SUCLA2: variants seen among roughly 807,000 people sequenced by gnomAD.
The protein encoded by SUCLA2 is succinate-CoA ligase ADP-forming subunit beta.
SUCLA2 carries 30 observed loss-of-function variants against 54.8 expected under a neutral mutation model. That is an observed-to-expected ratio of 0.55 (90% CI 0.41 to 0.74). The LOEUF (loss-of-function observed/expected upper bound fraction) is 0.74, where lower values mean the gene tolerates loss of function less well. Among genes scored for constraint, SUCLA2 ranks in the 30% least tolerant of loss-of-function variants. The pLI is 0.00. For missense variants in SUCLA2, 476 were observed against 562.9 expected (o/e 0.85, Z 1.56); for synonymous variants, 172 against 188.9 (o/e 0.91, Z 0.74).
chr13:47,965,999 G>T (rs1033020769), intron 6 of SUCLA2, among the ~76,000 whole-genome samples: 2 of 152,300 alleles, frequency 1.3e-5, no homozygotes, highest in Admixed American at 1.3e-4. Context: ...AGTCAGCCGA[G>T]ATTGCACCAC....
At chr13:47,961,167 T>C (rs114803689) in intron 6 of SUCLA2, among the ~76,000 whole-genome samples, 15,841 of 152,224 alleles carry the variant, frequency 0.1, 914 homozygotes, top group South Asian at 0.18. Context: ...TTTTATTAAC[T>C]TTAATAATAT....
chr13:47,963,809 T>C (rs1218026537), intron 6 of SUCLA2, among the ~76,000 whole-genome samples: 2 of 152,200 alleles, frequency 1.3e-5, no homozygotes, highest in Non-Finnish European at 2.9e-5. Context: ...AAGTAGTATG[T>C]CTATCTTGGT....
chr13:47,965,654 G>A (rs949712122), intron 6 of SUCLA2: 4 of 398,230 alleles, frequency 1.0e-5, no homozygotes, highest in African/African-American at 8.2e-5. Flanking sequence ...GGGAAAAATA[G>A]TATAAAGGAC....
intron 8 of SUCLA2, 55 bp downstream of exon 8, chr13:47,954,085 A>G: frequency 7.8e-7 from 1 of 1,280,882 alleles, no homozygotes; most frequent in Non-Finnish European, 1.0e-6. Flanking sequence ...CATTTTTATA[A>G]GTATTTATTT....
At position 47,943,336 on chromosome 13, in the gene SUCLA2, A is replaced by C. The variant is rs886050261; in HGVS notation, c.*35T>G. 1.3e-6 allele frequency: 2 copies of C among 1,591,922 alleles called. No individual in the cohort carries two copies. The highest frequency in any genetic ancestry group is 8.6e-7 in the Non-Finnish European group (1 of 1,160,180). On this transcript the variant is annotated 3_prime_UTR_variant, in exon 11 of 11. Coordinates refer to ENST00000646932, the MANE Select transcript of SUCLA2 (RefSeq NM_003850.3). ...ACAGTATTCTTAATGATTATAGCACATTTAACACCTTCAGCCATCCACTGG... is the reference window on the plus strand; with the variant it reads ...ACAGTATTCTTAATGATTATAGCACCTTTAACACCTTCAGCCATCCACTGG...
intron 5 of SUCLA2, among the ~76,000 whole-genome samples, chr13:47,970,643 TG>T (rs1949955610): frequency 6.6e-6 from 1 of 151,776 alleles, no homozygotes; most frequent in Non-Finnish European, 1.5e-5. Context: ...GGGCAGATCA[TG>T]AAGTTAGGAG....
intron 2 of SUCLA2, chr13:47,994,868 C>T: frequency 1.0e-6 from 1 of 985,226 alleles, no homozygotes; most frequent in East Asian, 1.1e-4. Context: ...TACAGTTTAT[C>T]CTGCACATAT....
intron 4 of SUCLA2, chr13:47,987,635 ATCAT>A (rs1354593673): frequency 2.0e-5 from 3 of 152,108 alleles, no homozygotes; most frequent in African/African-American, 4.8e-5. Context: ...CAAAAGACAT[ATCAT>A]TCAAACATTA....
Position 47,988,126 on chromosome 13 carries a change from C to A in SUCLA2, c.534+415G>T, listed in dbSNP as rs867246457. 808 of 165,974 alleles carry A rather than the reference C, an allele frequency of 4.9e-3. 4 individuals are homozygous for A. The highest frequency in any genetic ancestry group is 0.017 in the African/African-American group (700 of 40,064). The allele number at this position is 165,974 out of a possible 1,614,324, so 10.3% of individuals were successfully genotyped here. ...CCCGAAACTATTAAAAAAAAAAAAA[C>A]AAACCCAAGAAGTTGAGAAAACAGA... is the stretch of plus-strand genomic sequence containing the variant. On this transcript the variant is annotated intron_variant, in intron 4 of 10. Coordinates refer to ENST00000646932, the MANE Select transcript of SUCLA2 (RefSeq NM_003850.3).
intron 2 of SUCLA2, chr13:47,994,874 C>T (rs960901854): frequency 2.0e-6 from 2 of 985,024 alleles, no homozygotes; most frequent in Admixed American, 6.2e-5. Flanking sequence ...TTATCCTGCA[C>T]ATATTATTTC....
chr13:47,992,689 C>A (rs1288266092), intron 2 of SUCLA2, among the ~76,000 whole-genome samples: 1 of 152,212 alleles, frequency 6.6e-6, no homozygotes, highest in African/African-American at 2.4e-5. Flanking sequence ...CAATCACTAT[C>A]CCAGCTACCT....
intron 6 of SUCLA2, among the ~76,000 whole-genome samples, chr13:47,967,823 G>A (rs1313994938): frequency 1.2e-4 from 16 of 134,888 alleles, no homozygotes; most frequent in East Asian, 2.2e-4. Context: ...CAGTGTGGGC[G>A]ACAAAGCAAA....
chr13:47,996,882 T>G lies in SUCLA2; in HGVS notation c.232A>C (p.Lys78Gln), dbSNP rs765735446. Residue 78 changes from lysine to glutamine, a missense_variant, in exon 2 of 11, where the codon AAG becomes CAG. Transcript: ENST00000646932. The part of the protein sequence containing the change: ...GVSVPKGYVA[K>Q]SPDEAYAIAK... ...ATTGCATAAGCTTCATCTGGTGACT[T>G]TGCCACATATCCTTTGGGAACGGAG... is the stretch of plus-strand genomic sequence containing the variant. The G allele has an allele frequency of 5.6e-5, 90 of 1,613,774 alleles. No individual in the cohort carries two copies. The highest frequency in any genetic ancestry group is 7.2e-5 in the Non-Finnish European group (85 of 1,179,888).
chr13:47,968,760 A>C (rs1296231314), intron 5 of SUCLA2, 27 bp from the exon 6 acceptor site: 1 of 1,609,974 alleles, frequency 6.2e-7, no homozygotes, highest in East Asian at 2.2e-5. Flanking sequence ...TTTTTATTAT[A>C]GGTAGTTTGC....
chr13:47,997,163 T>G, intron 1 of SUCLA2, 140 bp from the exon 2 acceptor site: 2 of 864,074 alleles, frequency 2.3e-6, no homozygotes, highest in Non-Finnish European at 3.7e-6. Context: ...AATTACAGCA[T>G]AAAACTAAAA....
intron 6 of SUCLA2, 134 bp downstream of exon 6, chr13:47,968,461 T>C (rs904465006): frequency 3.1e-6 from 3 of 971,338 alleles, no homozygotes; most frequent in Non-Finnish European, 4.6e-6. Context: ...ATATTCATTC[T>C]ATCTGATTTT....
chr13:47,966,830 T>A (rs1949923392), intron 6 of SUCLA2, among the ~76,000 whole-genome samples: 1 of 151,372 alleles, frequency 6.6e-6, no homozygotes, highest in South Asian at 2.1e-4. Context: ...CTAGGCAACA[T>A]ATTGAGGGCC....
intron 6 of SUCLA2, among the ~76,000 whole-genome samples, chr13:47,958,722 AAT>A (rs1325666105): frequency 6.6e-6 from 1 of 152,192 alleles, no homozygotes; most frequent in East Asian, 1.9e-4. Context: ...GTTTAATGAA[AAT>A]AGTTATTGGT....
At chr13:47,997,386 C>T (rs1011140928) in intron 1 of SUCLA2, among the ~76,000 whole-genome samples, 1 of 152,170 alleles carries the variant, frequency 6.6e-6, no homozygotes, top group Non-Finnish European at 1.5e-5. Flanking sequence ...CTCTACCATT[C>T]CTCCACACCT....
Sources: gnomAD v4.1 joint callset for allele counts (sites outside exome capture counted in the v4.1 genomes callset) on GRCh38, gnomAD v4.1.1 for gene constraint, MANE v1.5 for transcripts, NCBI Gene and HGNC (gene_info 2026-07-23, HGNC 2026-07-21) for gene names.